The following NEK1 variants were observed in gnomAD, a reference collection of about 807,000 sequenced individuals.
NEK1 encodes serine/threonine-protein kinase Nek1.
A neutral mutation model predicts 182.1 loss-of-function variants in NEK1; 137 were observed. The ratio of observed to expected loss-of-function variants is 0.75; its 90% confidence interval spans 0.65 to 0.87. NEK1 has a LOEUF of 0.87. NEK1 is among the 40% of genes least tolerant of loss of function. The probability of loss-of-function intolerance (pLI) is 0.00; values close to 1 mark genes in which losing one functional copy is unlikely to be tolerated. For missense variants in NEK1, 1,391 were observed against 1,494.4 expected, an observed-to-expected ratio of 0.93 and a Z score of 1.14; for synonymous variants, 513 against 492.2, an observed-to-expected ratio of 1.04 and a Z score of -0.56.
intron 27 of NEK1, among the ~76,000 whole-genome samples, chr4:169,452,179 G>A (rs1435410871): frequency 1.3e-5 from 2 of 152,164 alleles, no homozygotes; most frequent in Non-Finnish European, 2.9e-5. Context: ...ATAATTAATA[G>A]CTTACCAACC....
intron 23 of NEK1, among the ~76,000 whole-genome samples, chr4:169,484,323 G>C (rs981221125): frequency 1.3e-5 from 2 of 152,212 alleles, no homozygotes; most frequent in Admixed American, 1.3e-4. Flanking sequence ...TGGGATTACA[G>C]GCGTGAGCCA....
intron 12 of NEK1, among the ~76,000 whole-genome samples, chr4:169,573,115 C>G (rs191334141): frequency 1.2e-4 from 18 of 152,030 alleles, no homozygotes; most frequent in African/African-American, 3.9e-4. Context: ...CTTTAGCAGG[C>G]AAAAAAGAAT....
intron 7 of NEK1, among the ~76,000 whole-genome samples, 151 bp from the exon 8 acceptor site, chr4:169,588,886 G>A (rs1767964155): frequency 6.6e-6 from 1 of 152,148 alleles, no homozygotes; most frequent in African/African-American, 2.4e-5. Context: ...GTGACACGGT[G>A]ACTGACATAC....
chr4:169,463,611 A>G (rs1744386062), intron 26 of NEK1, among the ~76,000 whole-genome samples: 1 of 152,174 alleles, frequency 6.6e-6, no homozygotes, highest in African/African-American at 2.4e-5. Flanking sequence ...GTAGAATATG[A>G]ATTAAATTCT....
intron 12 of NEK1, among the ~76,000 whole-genome samples, chr4:169,571,128 T>G (rs985673846): frequency 1.3e-5 from 2 of 151,484 alleles, no homozygotes; most frequent in Non-Finnish European, 2.9e-5. Context: ...TATTGTCCTA[T>G]GACCCTGCCA....
intron 31 of NEK1, among the ~76,000 whole-genome samples, chr4:169,412,850 T>C (rs1177620642): frequency 1.4e-5 from 2 of 138,588 alleles, no homozygotes; most frequent in Admixed American, 8.0e-5. Context: ...TCAGGAGCCA[T>C]AGGTCTCTGC....
At chr4:169,465,230 G>C (rs1210339965) in intron 26 of NEK1, among the ~76,000 whole-genome samples, 1 of 152,040 alleles carries the variant, frequency 6.6e-6, no homozygotes, top group Non-Finnish European at 1.5e-5. Flanking sequence ...TTTGATGTTT[G>C]ACAAATATGC....
chr4:169,455,365 A>G (rs925192466), intron 27 of NEK1, among the ~76,000 whole-genome samples: 6 of 152,126 alleles, frequency 3.9e-5, no homozygotes, highest in African/African-American at 1.2e-4. Context: ...AGTTGCCTAC[A>G]AGAAACAGAC....
At chr4:169,459,390 A>G (rs78693956) in intron 27 of NEK1, among the ~76,000 whole-genome samples, 1 of 152,174 alleles carries the variant, frequency 6.6e-6, no homozygotes, top group Admixed American at 6.5e-5. Context: ...GACAACACCA[A>G]ATGCTGGAGA....
chr4:169,557,608 G>C (rs1384956859), intron 16 of NEK1, among the ~76,000 whole-genome samples: 7 of 152,108 alleles, frequency 4.6e-5, no homozygotes, highest in Non-Finnish European at 1.0e-4. Context: ...ACTTCCAGGT[G>C]ATAACATCTT....
chr4:169,470,257 G>A (rs748691207), intron 26 of NEK1, among the ~76,000 whole-genome samples: 11 of 152,090 alleles, frequency 7.2e-5, no homozygotes, highest in South Asian at 2.1e-4. Flanking sequence ...CTTTTGCAGC[G>A]GCTGGTACTG....
intron 12 of NEK1, among the ~76,000 whole-genome samples, chr4:169,569,766 T>C (rs1764365551): frequency 2.0e-5 from 3 of 152,190 alleles, no homozygotes; most frequent in South Asian, 2.1e-4. Flanking sequence ...GGTGCCGGGA[T>C]TGCAGACGGA....
At chr4:169,396,449 G>A (rs1241202637) in intron 35 of NEK1, among the ~76,000 whole-genome samples, 2 of 147,162 alleles carry the variant, frequency 1.4e-5, no homozygotes, top group East Asian at 4.2e-4. Flanking sequence ...TGAGAACATG[G>A]TAGCCTCTGC....
intron 5 of NEK1, among the ~76,000 whole-genome samples, chr4:169,597,342 A>T (rs1353174193): frequency 1.3e-5 from 2 of 152,174 alleles, no homozygotes; most frequent in Non-Finnish European, 2.9e-5. Flanking sequence ...GAAATGGCAC[A>T]GTGGCTCGTG....
chr4:169,458,182 T>A (rs1379206426), intron 27 of NEK1, among the ~76,000 whole-genome samples: 1 of 152,054 alleles, frequency 6.6e-6, no homozygotes. Flanking sequence ...ATCAGGATAC[T>A]GGGGTACTGG....
chr4:169,553,563 T>C lies in NEK1; in HGVS notation c.1562+2157A>G, dbSNP rs1055082997. Reference sequence around the variant, plus strand: ...TCTGCAAAACAAAATATTAAGGGAATGAGAAGATGAGCCACAAAGAAAAAG... The same window carrying C: ...TCTGCAAAACAAAATATTAAGGGAACGAGAAGATGAGCCACAAAGAAAAAG... On this transcript the variant is annotated intron_variant, in intron 18 of 35. Coordinates refer to ENST00000507142, the MANE Select transcript of NEK1 (RefSeq NM_001199397.3). 2.6e-5 allele frequency among the ~76,000 whole-genome samples: 4 copies of C among 151,958 alleles called. No homozygotes were observed. In the East Asian group the frequency reaches 7.7e-4, roughly 29 times the overall value.
intron 19 of NEK1, among the ~76,000 whole-genome samples, chr4:169,533,737 G>C (rs553628908): frequency 2.0e-4 from 30 of 152,266 alleles, no homozygotes; most frequent in Middle Eastern, 3.4e-3. Context: ...AGTAAAAAGA[G>C]AGAAAAAGAT....
Position 169,538,723 on chromosome 4 carries a change from G to A in NEK1, c.1563-812C>T, listed in dbSNP as rs143218196. On this transcript the variant is annotated intron_variant, in intron 18 of 35. Transcript: ENST00000507142. ...AAGAAAGATGAGCAAGTTGTTGGCC[G>A]TGTTTCTACTTGTATTTTGGCTAGT... 1.7e-3 allele frequency among the ~76,000 whole-genome samples: 253 copies of A among 152,120 alleles called. 1 individual carries two copies. Among genetic ancestry groups the A allele is most frequent in the East Asian group, 0.016 (85 of 5,170 alleles).
chr4:169,493,205 T>C (rs576661363), intron 23 of NEK1, among the ~76,000 whole-genome samples: 1 of 152,146 alleles, frequency 6.6e-6, no homozygotes, highest in Non-Finnish European at 1.5e-5. Context: ...ATATGGAGCT[T>C]TGGCCCCCTA....
Sources: allele counts gnomAD v4.1 joint callset (sites outside exome capture counted in the v4.1 genomes callset), GRCh38; gene constraint gnomAD v4.1.1; transcripts MANE v1.5; gene names NCBI Gene and HGNC (gene_info 2026-07-23, HGNC 2026-07-21).